VWF: variants seen among roughly 807,000 people sequenced by gnomAD.
VWF encodes the protein Factor VIII related antigen.
VWF carries 176 observed loss-of-function variants against 308.6 expected under a neutral mutation model. The ratio of observed to expected loss-of-function variants is 0.57; its 90% CI spans 0.50 to 0.65. The LOEUF is 0.65. VWF is among the 30% of genes least tolerant of loss of function. VWF has a pLI of 0.00. For missense variants in VWF, 3,146 were observed against 3,648.2 expected (o/e 0.86, Z 3.55); for synonymous variants, 1,385 against 1,443.4 (o/e 0.96, Z 0.92).
Position 5,976,210 on chromosome 12 carries a change from C to T in VWF, c.7338G>A (p.Glu2446=), listed in dbSNP as rs776700534. 6.2e-7 allele frequency: 1 copy of T among 1,614,148 alleles called. No individual in the cohort carries two copies. Among genetic ancestry groups the T allele is most frequent in the East Asian group, 2.2e-5 (1 of 44,872 alleles). Residue 2446 remains glutamate (E), a synonymous_variant, in exon 43 of 52, where the codon GAG becomes GAA. Coordinates refer to ENST00000261405, the MANE Select transcript of VWF (RefSeq NM_000552.5). ...CGGTGCAGGTGCACACATCGCAGCC[C>T]TCCTCCCAGAACTGGCCCACAGGGT... ...TIYPVGQFWE[E]GCDVCTCTDM...
intron 37 of VWF, 112 bp from the exon 38 acceptor site, chr12:5,992,130 C>G: frequency 1.0e-6 from 1 of 995,386 alleles, no homozygotes; most frequent in Non-Finnish European, 1.5e-6. Flanking sequence ...GCAGAGACGG[C>G]TATTTTCCAC....
At position 6,031,596 on chromosome 12, in the gene VWF, C is replaced by G; in HGVS notation, c.2686-18G>C. 1 of 1,613,918 alleles carries G rather than the reference C, an allele frequency of 6.2e-7. No individual in the cohort carries two copies. The highest frequency in any genetic ancestry group is 8.5e-7 in the Non-Finnish European group (1 of 1,179,996). Reference sequence around the variant, plus strand: ...CAGTAATCCTGGGGAAAGAGGAGTGCCAGGAGAAGACCATTATCCCCACTG... The same window carrying G: ...CAGTAATCCTGGGGAAAGAGGAGTGGCAGGAGAAGACCATTATCCCCACTG... On this transcript the variant is annotated intron_variant, in intron 20 of 51. Transcript: ENST00000261405.
Position 5,969,371 on chromosome 12 carries a change from G to T in VWF, c.7569C>A (p.Ser2523=). 5 of 1,614,208 alleles carry T rather than the reference G, an allele frequency of 3.1e-6. No individual in the cohort carries two copies. The highest frequency in any genetic ancestry group is 4.2e-6 in the Non-Finnish European group (5 of 1,180,046). Reference sequence around the variant, plus strand: ...CATTGATGAGGCAGGGGTTCTCCGGGGAGGCCCACTGGGAGCCGACCTGCA... The same window carrying T: ...CATTGATGAGGCAGGGGTTCTCCGGTGAGGCCCACTGGGAGCCGACCTGCA... ...SWKSVGSQWA[S]PENPCLINEC... Residue 2523 remains serine (S), a synonymous_variant, in exon 45 of 52, where the codon TCC becomes TCA. Coordinates refer to ENST00000261405, the MANE Select transcript of VWF (RefSeq NM_000552.5).
At chr12:6,097,918 G>A (rs1027572896) in intron 5 of VWF, among the ~76,000 whole-genome samples, 2 of 152,238 alleles carry the variant, frequency 1.3e-5, no homozygotes, top group African/African-American at 4.8e-5. Context: ...GCTTCATGTT[G>A]TTGCCTGGGC....
At chr12:6,109,156 G>A (rs868317624) in intron 5 of VWF, among the ~76,000 whole-genome samples, 1 of 151,820 alleles carries the variant, frequency 6.6e-6, no homozygotes, top group Non-Finnish European at 1.5e-5. Context: ...GAGGCAAGAG[G>A]ATTCCTTGAG....
Position 6,092,673 on chromosome 12 carries a change from G to GTGTGTGTGTGTGTGTGTGTGTGTA in VWF, c.657+2786_657+2787insTACACACACACACACACACACACA, listed in dbSNP as rs1356836169. ...TGTGTGTGTGTGTGTGTGTGTGTGT[G>GTGTGTGTGTGTGTGTGTGTGTGTA]CTGACCAGCATTCCTTCCTGGTAAG... On this transcript the variant is annotated intron_variant, in intron 6 of 51. Coordinates refer to ENST00000261405, the MANE Select transcript of VWF (RefSeq NM_000552.5). Among the ~76,000 whole-genome samples, 41 of 123,756 alleles carry GTGTGTGTGTGTGTGTGTGTGTGTA rather than the reference G, an allele frequency of 3.3e-4. 2 individuals carry two copies. The highest frequency in any genetic ancestry group is 5.4e-4 in the African/African-American group (14 of 25,978). 81.2% of individuals were successfully genotyped at this position (123,756 alleles called of 152,430 possible).
At chr12:6,032,111 T>C (rs923563000) in intron 20 of VWF, among the ~76,000 whole-genome samples, 1 of 152,100 alleles carries the variant, frequency 6.6e-6, no homozygotes, top group Non-Finnish European at 1.5e-5. Context: ...CTCTGGTCCT[T>C]GTTGGTCAAT....
chr12:6,118,090 G>A lies in VWF; in HGVS notation c.220+3084C>T, dbSNP rs148000229. 3.2e-3 allele frequency among the ~76,000 whole-genome samples: 492 copies of A among 152,296 alleles called. 4 individuals carry two copies. The highest frequency in any genetic ancestry group is 0.011 in the African/African-American group (465 of 41,552). ...AGACAGCCCAGAGGCACCAGCACACGCTACATGTCCCCACCTGGTAGGGCT... is the reference window on the plus strand; with the variant it reads ...AGACAGCCCAGAGGCACCAGCACACACTACATGTCCCCACCTGGTAGGGCT... On this transcript the variant is annotated intron_variant, in intron 3 of 51. Transcript: ENST00000261405.
intron 6 of VWF, among the ~76,000 whole-genome samples, chr12:6,088,505 G>T (rs536752381): frequency 2.1e-5 from 3 of 145,638 alleles, no homozygotes; most frequent in African/African-American, 7.6e-5. Flanking sequence ...GAGAGAGAGA[G>T]AGAGAAAGGG....
intron 47 of VWF, among the ~76,000 whole-genome samples, chr12:5,965,681 G>A (rs1313327048): frequency 6.6e-6 from 1 of 152,152 alleles, no homozygotes; most frequent in Non-Finnish European, 1.5e-5. Context: ...AGCCCAACGT[G>A]GGCAGTTCAA....
rs549838385 is a variant in VWF at position 6,026,715 on chromosome 12, A to G, written c.2968-669T>C. Among the ~76,000 whole-genome samples the G allele has an allele frequency of 2.6e-5, 4 of 152,330 alleles. No individual in the cohort carries two copies. In the East Asian group the frequency reaches 7.7e-4, roughly 29 times the overall value. ...TTCGGTAGCACCACAGGGTGACTAT[A>G]ATTATCAACAGTTTATTGTATATTT... On this transcript the variant is annotated intron_variant, in intron 22 of 51. Transcript: ENST00000261405.
At chr12:6,034,570 T>C (rs529460146) in intron 20 of VWF, 118 bp downstream of exon 20, 78 of 1,508,222 alleles carry the variant, frequency 5.2e-5, no homozygotes, top group African/African-American at 4.5e-4. Flanking sequence ...AGTACTCCAG[T>C]AGAAACCAGA....
chr12:6,025,698 G>A lies in VWF; in HGVS notation c.3109-5C>T, dbSNP rs776286625. 110 of 1,416,894 alleles carry A rather than the reference G, an allele frequency of 7.8e-5. 1 individual carries two copies. The South Asian group carries it at 1.3e-3, about 16-fold the overall frequency. 87.8% of individuals were successfully genotyped at this position (1,416,894 alleles called of 1,614,324 possible). The stretch of plus-strand genomic sequence containing the variant: ...AGGGGATGAGTCCAGAGGCACCTGG[G>A]AACCAGGCAAGAGATAGGCCAGCCG... On this transcript the variant is annotated splice_region_variant and splice_polypyrimidine_tract_variant and intron_variant, in intron 23 of 51. Coordinates refer to ENST00000261405, the MANE Select transcript of VWF (RefSeq NM_000552.5).
intron 5 of VWF, among the ~76,000 whole-genome samples, chr12:6,103,344 A>ATG (rs1389872418): frequency 4.4e-5 from 6 of 135,332 alleles, no homozygotes; most frequent in East Asian, 2.0e-4. Flanking sequence ...ATATATATAT[A>ATG]TGTGTGTATA....
In VWF at chr12:5,983,087, A is replaced by G. The variant is rs1277257605; in HGVS notation, c.7081+63T>C. 3 of 1,501,144 alleles carry G rather than the reference A, an allele frequency of 2.0e-6. No homozygotes were observed. In the African/African-American group the frequency reaches 4.1e-5, roughly 21 times the overall value. The allele number at this position is 1,501,144 out of a possible 1,614,324, so 93.0% of individuals were successfully genotyped here. On this transcript the variant is annotated intron_variant, in intron 41 of 51. Coordinates refer to ENST00000261405, the MANE Select transcript of VWF (RefSeq NM_000552.5). The stretch of plus-strand genomic sequence containing the variant: ...ATCTTGGAAGAGGTCCCTGAGGAGG[A>G]TGGCCTCCCTCACACCAGCAGAGAG...
chr12:6,122,696 G>C (rs1281455311), intron 2 of VWF: 1 of 514,242 alleles, frequency 1.9e-6, no homozygotes, highest in South Asian at 1.4e-5. Context: ...AGTGGAAAGG[G>C]TGTTGGCCTG....
At chr12:5,949,966 T>C in intron 50 of VWF, 83 bp from the exon 51 acceptor site, 1 of 1,239,288 alleles carries the variant, frequency 8.1e-7, no homozygotes, top group Non-Finnish European at 1.2e-6. Context: ...CTCACTGGGC[T>C]GGAAATAGGT....
Position 6,026,056 on chromosome 12 carries a change from C to A in VWF, c.2968-10G>T. The A allele has an allele frequency of 6.2e-7, 1 of 1,613,900 alleles. No homozygotes were observed. Among genetic ancestry groups the A allele is most frequent in the East Asian group, 2.2e-5 (1 of 44,868 alleles). Reference sequence around the variant, plus strand: ...GGCCACACACTTTCTCCTTGAGAGACAAGTTGAGGGATGAGCACCGTCAAG... The same window carrying A: ...GGCCACACACTTTCTCCTTGAGAGAAAAGTTGAGGGATGAGCACCGTCAAG... On this transcript the variant is annotated splice_polypyrimidine_tract_variant and intron_variant, in intron 22 of 51. Transcript: ENST00000261405.
Position 6,110,467 on chromosome 12 carries a change from G to C in VWF, c.439C>G (p.Gln147Glu). The C allele has an allele frequency of 1.2e-6, 2 of 1,614,196 alleles. No homozygotes were observed. The highest frequency in any genetic ancestry group is 2.2e-5 in the East Asian group (1 of 44,892). The change falls in exon 5 of 52, where the codon CAA (glutamine) becomes GAA (glutamate). Residue 147 changes from glutamine (Q) to glutamate (E), a missense_variant. Gln to Glu is a conservative substitution (Grantham distance 29). Transcript: ENST00000261405. ...AAGTATCTGTCTGACAGCAGGACTT[G>C]AAAGTTGCCGCTGCCATCGATCCTG... The part of the protein sequence containing the change: ...VARIDGSGNF[Q>E]VLLSDRYFNK...
Sources: gnomAD v4.1 joint callset for allele counts (sites outside exome capture counted in the v4.1 genomes callset) on GRCh38, gnomAD v4.1.1 for gene constraint, MANE v1.5 for transcripts, NCBI Gene and HGNC (gene_info 2026-07-23, HGNC 2026-07-21) for gene names.